Variants in ORC3 observed in about 807,000 individuals in gnomAD.
The protein encoded by ORC3 is homolog of latheo, Drosophila.
Under a neutral mutation model 100.7 loss-of-function variants are expected in ORC3, and 78 were observed. The ratio of observed to expected loss-of-function variants is 0.77; its 90% CI spans 0.65 to 0.94. The LOEUF (loss-of-function observed/expected upper bound fraction) is 0.94. Among genes scored for constraint, ORC3 ranks in the 40% least tolerant of loss-of-function variants. The pLI, the probability that ORC3 is intolerant of heterozygous loss-of-function variation, is 0.00. For synonymous variants in ORC3, 295 were observed against 289.3 expected, an observed-to-expected ratio of 1.02 and a Z score of -0.20; for missense variants, 789 against 823.9, an observed-to-expected ratio of 0.96 and a Z score of 0.52.
intron 12 of ORC3, among the ~76,000 whole-genome samples, chr6:87,635,987 C>G (rs1767791008): frequency 6.6e-6 from 1 of 150,806 alleles, no homozygotes; most frequent in African/African-American, 2.4e-5. Flanking sequence ...CTCTGTCACC[C>G]AGGTTGGAGT....
chr6:87,608,947 A>C, intron 6 of ORC3, 149 bp from the exon 7 acceptor site: 1 of 508,142 alleles, frequency 2.0e-6, no homozygotes, highest in Non-Finnish European at 3.2e-6. Context: ...AGATTCTAGT[A>C]ACCTGAGTTT....
chr6:87,624,737 G>A (rs987293195), intron 11 of ORC3, among the ~76,000 whole-genome samples: 9 of 151,798 alleles, frequency 5.9e-5, no homozygotes, highest in Admixed American at 2.6e-4. Flanking sequence ...GTACATATGC[G>A]CAACGTGCAG....
At chr6:87,601,293 T>C (rs1208881659) in intron 2 of ORC3, among the ~76,000 whole-genome samples, 1 of 152,064 alleles carries the variant, frequency 6.6e-6, no homozygotes, top group Non-Finnish European at 1.5e-5. Flanking sequence ...GCCATAAATA[T>C]GGTAAAAATA....
chr6:87,646,148 G>A lies in ORC3; in HGVS notation c.1383-6968G>A, dbSNP rs573096125. On this transcript the variant is annotated intron_variant, in intron 13 of 19. Coordinates refer to ENST00000392844, the MANE Select transcript of ORC3 (RefSeq NM_012381.4). Reference sequence around the variant, plus strand: ...ACTACAGGCGCCTGCCACCAAGCCCGGCTAATTTTTTCTATTTTTAGTAGA... The same window carrying A: ...ACTACAGGCGCCTGCCACCAAGCCCAGCTAATTTTTTCTATTTTTAGTAGA... Among the ~76,000 whole-genome samples the A allele has an allele frequency of 1.1e-4, 16 of 151,706 alleles. No individual in the cohort carries two copies. The East Asian group carries it at 2.1e-3, about 20-fold the overall frequency.
chr6:87,640,819 G>C (rs555765120), intron 13 of ORC3, among the ~76,000 whole-genome samples: 1 of 152,298 alleles, frequency 6.6e-6, no homozygotes, highest in South Asian at 2.1e-4. Flanking sequence ...ATCAGAGGCA[G>C]CTGGGTGTGG....
chr6:87,677,753 T>G, the ORC3 span: 1 of 1,534,178 alleles, frequency 6.5e-7, no homozygotes, highest in Non-Finnish European at 8.9e-7. Context: ...GAAATTAAAG[T>G]ACACGTGGAA....
intron 2 of ORC3, among the ~76,000 whole-genome samples, chr6:87,599,657 C>T (rs1053559600): frequency 1.1e-4 from 17 of 149,998 alleles, no homozygotes; most frequent in East Asian, 4.0e-4. Context: ...TGTGCCACCA[C>T]GCTGGCCTGC....
intron 17 of ORC3, 103 bp downstream of exon 17, chr6:87,663,247 C>A: frequency 3.4e-6 from 3 of 882,432 alleles, no homozygotes; most frequent in South Asian, 2.1e-5. Context: ...AGCAGAGAGT[C>A]GGCAATTCAG....
chr6:87,666,215 T>A (rs181967833), intron 19 of ORC3, among the ~76,000 whole-genome samples: 207 of 152,248 alleles, frequency 1.4e-3, no homozygotes, highest in African/African-American at 4.7e-3. Context: ...GACTGCAACG[T>A]CCGCCTCCTG....
Position 87,612,072 on chromosome 6 carries a change from C to G in ORC3, c.714-17C>G. Reference sequence around the variant, plus strand: ...TGCTAAATAAATTTCACTTTTGTGTCTGTCTTTCAAAACTAGTCAACATCT... The same window carrying G: ...TGCTAAATAAATTTCACTTTTGTGTGTGTCTTTCAAAACTAGTCAACATCT... On this transcript the variant is annotated splice_polypyrimidine_tract_variant and intron_variant, in intron 7 of 19. Transcript: ENST00000392844. 6.2e-7 allele frequency: 1 copy of G among 1,602,430 alleles called. No homozygotes were observed. The highest frequency in any genetic ancestry group is 1.7e-4 in the Middle Eastern group (1 of 6,014).
At chr6:87,643,457 T>C (rs1768442588) in intron 13 of ORC3, among the ~76,000 whole-genome samples, 2 of 150,564 alleles carry the variant, frequency 1.3e-5, no homozygotes, top group South Asian at 2.1e-4. Flanking sequence ...AGGAAAACAA[T>C]GAAGCCATCA....
Position 87,667,227 on chromosome 6 carries a change from A to C in ORC3, c.*104A>C. The C allele has an allele frequency of 1.5e-6, 1 of 656,878 alleles. No homozygotes were observed. The highest frequency in any genetic ancestry group is 2.6e-6 in the Non-Finnish European group (1 of 385,210). The allele number at this position is 656,878 out of a possible 1,614,324, so 40.7% of individuals were successfully genotyped here. A position where few individuals can be genotyped will look rare whatever the true frequency, so the allele number is the denominator to read the frequency against. ...GGAGCCTGTTTTGTTGAGAAGATAA[A>C]TGTGTAACCCCCATTGATGTTTAAC... On this transcript the variant is annotated 3_prime_UTR_variant, in exon 20 of 20. Coordinates refer to ENST00000392844, the MANE Select transcript of ORC3 (RefSeq NM_012381.4).
chr6:87,593,991 A>G (rs1488295130), intron 1 of ORC3, among the ~76,000 whole-genome samples: 3 of 152,230 alleles, frequency 2.0e-5, no homozygotes, highest in African/African-American at 7.2e-5. Context: ...CACTGTGCCC[A>G]GCCCATTTTA....
At position 87,636,399 on chromosome 6, in the gene ORC3, C is replaced by T. The variant is rs765795651; in HGVS notation, c.1303-8C>T. ...TTGGTTCCTCACAAATGTGTTGTTC[C>T]CTTACAGATCAGAGAGTTGTACTGT... On this transcript the variant is annotated splice_polypyrimidine_tract_variant and splice_region_variant and intron_variant, in intron 12 of 19. Transcript: ENST00000392844. 1 of 1,579,036 alleles carries T rather than the reference C, an allele frequency of 6.3e-7. No homozygotes were observed. The highest frequency in any genetic ancestry group is 1.7e-5 in the Admixed American group (1 of 59,540).
At chr6:87,616,059 T>A (rs1360869604) in intron 8 of ORC3, among the ~76,000 whole-genome samples, 1 of 152,184 alleles carries the variant, frequency 6.6e-6, no homozygotes, top group African/African-American at 2.4e-5. Context: ...TATTTTTTTT[T>A]AATTAGGAAT....
chr6:87,670,511 A>T (rs1316504857), downstream of ORC3, among the ~76,000 whole-genome samples: 2 of 152,174 alleles, frequency 1.3e-5, no homozygotes. Flanking sequence ...GAGCTATAAA[A>T]TTAAAACATG....
chr6:87,653,412 A>G (rs1769429647), intron 14 of ORC3, among the ~76,000 whole-genome samples, 163 bp downstream of exon 14: 1 of 152,234 alleles, frequency 6.6e-6, no homozygotes. Flanking sequence ...ACAATCACAA[A>G]TAGGCCAAAT....
intron 1 of ORC3, among the ~76,000 whole-genome samples, chr6:87,592,180 T>G (rs1777083208): frequency 1.3e-5 from 2 of 152,242 alleles, no homozygotes; most frequent in African/African-American, 2.4e-5. Context: ...TCCTTTCTGA[T>G]CACTCCTCAT....
chr6:87,604,413 T>G (rs536330020), intron 4 of ORC3, among the ~76,000 whole-genome samples: 6 of 152,200 alleles, frequency 3.9e-5, no homozygotes, highest in Non-Finnish European at 7.3e-5. Context: ...ACCACACTAA[T>G]AAGACTCAAG....
Sources: allele counts gnomAD v4.1 joint callset (sites outside exome capture counted in the v4.1 genomes callset), GRCh38; gene constraint gnomAD v4.1.1; transcripts MANE v1.5; gene names NCBI Gene and HGNC (gene_info 2026-07-23, HGNC 2026-07-21).